Variants in ZNF577 observed in about 807,000 individuals in gnomAD.
ZNF577 encodes zinc finger protein 577.
In ZNF577, 14 loss-of-function variants were observed where a neutral mutation model predicts 13.9. The observed-to-expected ratio is 1.00, with a 90% CI of 0.66 to 1.57. ZNF577 has a LOEUF of 1.57. ZNF577 is among the 40% of genes most tolerant of loss of function. The pLI is 0.00. For synonymous variants in ZNF577, 203 were observed against 202.9 expected, an observed-to-expected ratio of 1.00 and a Z score of 0.00; for missense variants, 555 against 579.2, an observed-to-expected ratio of 0.96 and a Z score of 0.43.
Position 51,880,660 on chromosome 19 carries a change from T to C in ZNF577, c.-20+19A>G, listed in dbSNP as rs755492831. 1.2e-4 allele frequency: 55 copies of C among 460,692 alleles called. No homozygotes were observed. Among genetic ancestry groups the C allele is most frequent in the South Asian group, 4.6e-4 (18 of 39,084 alleles). The allele number at this position is 460,692 out of a possible 1,614,324, so 28.5% of individuals were successfully genotyped here. ...ACCCATTGGGAAACAAACGACAAAA[T>C]AGGTAAAACAAACCTCACCTGGGCC... is the stretch of plus-strand genomic sequence containing the variant. On this transcript the variant is annotated intron_variant, in intron 2 of 5. Coordinates refer to ENST00000638348, the MANE Select transcript of ZNF577 (RefSeq NM_001370449.1).
chr19:51,852,954 A>G (rs1185523946), intron 5 of ZNF577, among the ~76,000 whole-genome samples: 2 of 147,282 alleles, frequency 1.4e-5, no homozygotes, highest in African/African-American at 5.1e-5. Context: ...TCTTTGAGAC[A>G]GGGTTTCACT....
intron 2 of ZNF577, 39 bp downstream of exon 2, chr19:51,880,640 T>G: frequency 2.0e-6 from 1 of 505,886 alleles, no homozygotes; most frequent in Non-Finnish European, 3.5e-6. Context: ...CACAGACCCA[T>G]TGGGAAACAA....
rs143070956 is a variant in ZNF577 at position 51,847,145 on chromosome 19, G to A, written c.284-2214C>T. 5.4e-3 allele frequency among the ~76,000 whole-genome samples: 823 copies of A among 152,248 alleles called. 9 individuals carry two copies. Among genetic ancestry groups the A allele is most frequent in the African/African-American group, 0.019 (789 of 41,522 alleles). On this transcript the variant is annotated intron_variant and NMD_transcript_variant, in intron 5 of 10. Coordinates refer to the ZNF577 transcript ENST00000638827. ...CAAACACTCGTGTACGCACACACAT[G>A]CACACACATAGCATTTATGACACGA...
At chr19:51,865,305 C>T (rs2084549958), downstream of ZNF577, among the ~76,000 whole-genome samples, 1 of 152,170 alleles carries the variant, frequency 6.6e-6, no homozygotes, top group Non-Finnish European at 1.5e-5. Flanking sequence ...CCATGTTGGC[C>T]AGGCTGGTCT....
intron 1 of ZNF577, among the ~76,000 whole-genome samples, chr19:51,883,318 T>C (rs2122724639): frequency 6.6e-6 from 1 of 151,576 alleles, no homozygotes; most frequent in African/African-American, 2.4e-5. Flanking sequence ...AGAGACAAGG[T>C]CTCGCTATGT....
intron 5 of ZNF577, among the ~76,000 whole-genome samples, chr19:51,857,076 G>A (rs534063732): frequency 1.3e-5 from 2 of 152,140 alleles, no homozygotes; most frequent in South Asian, 4.1e-4. Context: ...CGAGGCAGGC[G>A]GAACATGAGG....
downstream of ZNF577, among the ~76,000 whole-genome samples, chr19:51,865,028 A>G (rs2122620340): frequency 6.6e-6 from 1 of 152,350 alleles, no homozygotes; most frequent in South Asian, 2.1e-4. Context: ...ACATAAATGT[A>G]AGTGCTGTCA....
intron 9 of ZNF577, among the ~76,000 whole-genome samples, chr19:51,829,319 G>A (rs1054485413): frequency 1.3e-5 from 2 of 152,086 alleles, no homozygotes; most frequent in African/African-American, 4.8e-5. Flanking sequence ...AATGACAAAG[G>A]CCTGGAGTCA....
intron 5 of ZNF577, among the ~76,000 whole-genome samples, chr19:51,850,469 T>A (rs1320580259): frequency 6.6e-6 from 1 of 152,228 alleles, no homozygotes; most frequent in Non-Finnish European, 1.5e-5. Flanking sequence ...CCTGCATGAT[T>A]TCTCTGAAAG....
chr19:51,867,646 G>A lies in ZNF577; in HGVS notation c.*4886C>T, dbSNP rs2084586515. 6.6e-6 allele frequency among the ~76,000 whole-genome samples: 1 copy of A among 151,610 alleles called. No individual in the cohort carries two copies. The highest frequency in any genetic ancestry group is 1.5e-5 in the Non-Finnish European group (1 of 67,908). On this transcript the variant is annotated 3_prime_UTR_variant, in exon 6 of 6. Coordinates refer to ENST00000638348, the MANE Select transcript of ZNF577 (RefSeq NM_001370449.1). ...AAAAAAAAAAAAAAATTAGCCGGGT[G>A]TGGTGGCAGGCACCTGTAATCCCAG...
intron 9 of ZNF577, among the ~76,000 whole-genome samples, chr19:51,827,753 T>C (rs752527666): frequency 9.9e-5 from 15 of 152,186 alleles, no homozygotes; most frequent in Non-Finnish European, 1.9e-4. Flanking sequence ...AATAAATAAC[T>C]CATAACTCAG....
intron 10 of ZNF577, among the ~76,000 whole-genome samples, chr19:51,805,692 T>C (rs73579492): frequency 0.031 from 4,727 of 152,308 alleles, 261 homozygotes; most frequent in African/African-American, 0.11. Flanking sequence ...CCTCGCTTGG[T>C]TGGCTGTACG....
rs777424542 is a variant in ZNF577, at chr19:51,823,710, G to A, written c.*600-12036C>T. 7.3e-6 allele frequency: 11 copies of A among 1,501,556 alleles called. 1 individual carries two copies. The South Asian group carries it at 1.3e-4, about 18-fold the overall frequency. The allele number at this position is 1,501,556 out of a possible 1,614,324, so 93.0% of individuals were successfully genotyped here. ...TGTATTGTAAGATGGTGTCACAGCT[G>A]AGAAATGGCCATTGCTGAAATGTTT... On this transcript the variant is annotated intron_variant and NMD_transcript_variant, in intron 9 of 10. Transcript: ENST00000638827.
chr19:51,809,531 T>C (rs555081627), intron 10 of ZNF577, among the ~76,000 whole-genome samples: 2 of 152,204 alleles, frequency 1.3e-5, no homozygotes, highest in Non-Finnish European at 2.9e-5. Context: ...GAGAAGGGTG[T>C]GATTTGCAGG....
At position 51,869,858 on chromosome 19, in the gene ZNF577, C is replaced by T. The variant is rs2084630739; in HGVS notation, c.*2674G>A. Among the ~76,000 whole-genome samples the T allele has an allele frequency of 6.6e-6, 1 of 152,188 alleles. No homozygotes were observed. The highest frequency in any genetic ancestry group is 2.4e-5 in the African/African-American group (1 of 41,458). ...CCAGCACAGGTGTCTCAAGCACTGC[C>T]CATGGCCAAACTACACTTCCTAGGA... On this transcript the variant is annotated 3_prime_UTR_variant, in exon 6 of 6. Coordinates refer to ENST00000638348, the MANE Select transcript of ZNF577 (RefSeq NM_001370449.1).
intron 9 of ZNF577, among the ~76,000 whole-genome samples, chr19:51,822,692 C>T (rs2084199263): frequency 6.6e-6 from 1 of 152,122 alleles, no homozygotes; most frequent in Admixed American, 6.6e-5. Context: ...TGATAAGAAC[C>T]CTACAAATAC....
intron 9 of ZNF577, among the ~76,000 whole-genome samples, chr19:51,832,590 T>C (rs2122520725): frequency 6.6e-6 from 1 of 152,280 alleles, no homozygotes; most frequent in East Asian, 1.9e-4. Context: ...GTGCTTTTGG[T>C]GTCATGTCAA....
intron 2 of ZNF577, 45 bp from the exon 3 acceptor site, chr19:51,880,446 A>G: frequency 6.4e-7 from 1 of 1,570,460 alleles, no homozygotes; most frequent in South Asian, 1.1e-5. Context: ...GAAAACCCAC[A>G]GGGTCTTAAC....
In ZNF577 at chr19:51,870,735, T is replaced by A. The variant is rs7256478; in HGVS notation, c.*1797A>T. On this transcript the variant is annotated 3_prime_UTR_variant, in exon 6 of 6. Transcript: ENST00000638348. ...ATCCAATTCATGAATTTGGGCCACC[T>A]TGAATTCCTCAAACCCTAAACTCTG... Among the ~76,000 whole-genome samples, 2,205 of 152,130 alleles carry A rather than the reference T, an allele frequency of 0.014. 56 individuals carry two copies. Among genetic ancestry groups the A allele is most frequent in the African/African-American group, 0.051 (2,099 of 41,456 alleles).
Sources: gnomAD v4.1 joint callset for allele counts (sites outside exome capture counted in the v4.1 genomes callset) on GRCh38, gnomAD v4.1.1 for gene constraint, MANE v1.5 for transcripts, NCBI Gene and HGNC (gene_info 2026-07-23, HGNC 2026-07-21) for gene names.